Variants in RSPO2 observed in about 807,000 individuals in gnomAD.
RSPO2 encodes R-spondin-2.
A neutral mutation model predicts 30.9 loss-of-function variants in RSPO2; 14 were observed. The observed-to-expected ratio is 0.45, with a 90% CI of 0.30 to 0.71. The LOEUF (loss-of-function observed/expected upper bound fraction) is 0.71, where lower values mean the gene tolerates loss of function less well. Ranked by LOEUF, RSPO2 falls within the 30% of genes least tolerant of loss-of-function variation. The pLI, the probability that RSPO2 is intolerant of heterozygous loss-of-function variation, is 0.08. For synonymous variants in RSPO2, 107 were observed against 96.4 expected, an observed-to-expected ratio of 1.11 and a Z score of -0.64; for missense variants, 264 against 301.9, an observed-to-expected ratio of 0.87 and a Z score of 0.93.
intron 5 of RSPO2, 51 bp from the exon 6 acceptor site, chr8:107,901,241 G>A (rs1811453137): frequency 1.3e-6 from 2 of 1,542,538 alleles, no homozygotes; most frequent in Non-Finnish European, 8.7e-7. Flanking sequence ...TCTTTCTCTA[G>A]GAAAGAAAAC....
intron 2 of RSPO2, among the ~76,000 whole-genome samples, chr8:108,069,561 C>A (rs192792891): frequency 6.6e-6 from 1 of 152,296 alleles, no homozygotes; most frequent in Admixed American, 6.5e-5. Context: ...ATTAAGATTT[C>A]ATTTGTAAAT....
At chr8:108,037,388 G>C (rs1811629484) in intron 2 of RSPO2, among the ~76,000 whole-genome samples, 1 of 152,178 alleles carries the variant, frequency 6.6e-6, no homozygotes, top group Non-Finnish European at 1.5e-5. Flanking sequence ...AAGACTGAGA[G>C]AGATGAGGAA....
At chr8:108,063,875 C>G (rs1260893873) in intron 2 of RSPO2, among the ~76,000 whole-genome samples, 2 of 152,118 alleles carry the variant, frequency 1.3e-5, no homozygotes, top group Non-Finnish European at 2.9e-5. Context: ...AATAATGCCA[C>G]ACATCTGCAA....
At chr8:107,978,701 G>A (rs1814307023) in intron 3 of RSPO2, among the ~76,000 whole-genome samples, 3 of 152,116 alleles carry the variant, frequency 2.0e-5, no homozygotes, top group South Asian at 4.1e-4. Flanking sequence ...AAACTAAAGA[G>A]CTTCTGCACA....
In RSPO2 at chr8:107,899,547, T is replaced by G. The variant is rs1244908369; in HGVS notation, c.*1528A>C. 1 of 152,588 alleles carries G rather than the reference T, an allele frequency of 6.6e-6. No individual in the cohort carries two copies. The highest frequency in any genetic ancestry group is 2.4e-5 in the African/African-American group (1 of 41,436). 9.5% of individuals were successfully genotyped at this position (152,588 alleles called of 1,614,324 possible). A position where few individuals can be genotyped will look rare whatever the true frequency, so the allele number is the denominator to read the frequency against. On this transcript the variant is annotated 3_prime_UTR_variant, in exon 6 of 6. Coordinates refer to ENST00000276659, the MANE Select transcript of RSPO2 (RefSeq NM_178565.5). ...ATAGCAATATTTTCATAACGATGTA[T>G]ATGATATTTATCCTTATTGGTAAGA...
chr8:107,960,700 G>C lies in RSPO2; in HGVS notation c.401C>G (p.Pro134Arg). 1 of 1,612,346 alleles carries C rather than the reference G, an allele frequency of 6.2e-7. No homozygotes were observed. The highest frequency in any genetic ancestry group is 1.3e-5 in the African/African-American group (1 of 74,962). ...CFDECPDGFA[P>R]LEETMECVEG... Reference sequence around the variant, plus strand: ...CACACATTCCATGGTTTCTTCTAATGGTGCAAAACCATCTGGACATTCATC... The same window carrying C: ...CACACATTCCATGGTTTCTTCTAATCGTGCAAAACCATCTGGACATTCATC... The change falls in exon 4 of 6, where the codon CCA (proline) becomes CGA (arginine). Residue 134 changes from proline (P) to arginine (R), a missense_variant. By Grantham distance (103) the Pro-to-Arg change is moderately radical (BLOSUM62 -2). Coordinates refer to ENST00000276659, the MANE Select transcript of RSPO2 (RefSeq NM_178565.5).
At chr8:107,904,748 C>A (rs1411193210) in intron 5 of RSPO2, among the ~76,000 whole-genome samples, 1 of 152,072 alleles carries the variant, frequency 6.6e-6, no homozygotes, top group East Asian at 1.9e-4. Flanking sequence ...CTACAGTCAT[C>A]ATTCACTAGA....
intron 3 of RSPO2, among the ~76,000 whole-genome samples, chr8:107,982,899 T>C (rs1013476380): frequency 4.6e-5 from 7 of 152,188 alleles, no homozygotes; most frequent in Admixed American, 3.9e-4. Flanking sequence ...AATATTAATA[T>C]ACTATATTTT....
At chr8:107,948,866 A>ATAAAT (rs55680371) in intron 5 of RSPO2, among the ~76,000 whole-genome samples, 24,088 of 145,648 alleles carry the variant, frequency 0.17, 2,194 homozygotes, top group South Asian at 0.3. Context: ...TCTCAAAAAA[A>ATAAAT]AAATAAATAA....
At chr8:108,033,676 G>A (rs1295014948) in intron 2 of RSPO2, among the ~76,000 whole-genome samples, 6 of 152,162 alleles carry the variant, frequency 3.9e-5, no homozygotes, top group African/African-American at 1.4e-4. Flanking sequence ...AGAGAACTGA[G>A]AGCTTCTTAT....
At chr8:108,044,172 C>G (rs1253796550) in intron 2 of RSPO2, among the ~76,000 whole-genome samples, 1 of 150,528 alleles carries the variant, frequency 6.6e-6, no homozygotes, top group Non-Finnish European at 1.5e-5. Context: ...AAAAGAAAAG[C>G]TAAGTGCATT....
At chr8:107,990,087 C>G (rs1195293648) in intron 2 of RSPO2, among the ~76,000 whole-genome samples, 6 of 152,020 alleles carry the variant, frequency 3.9e-5, no homozygotes, top group African/African-American at 1.4e-4. Flanking sequence ...AACTAGAAAT[C>G]ACATGGGAAA....
intron 4 of RSPO2, 78 bp downstream of exon 4, chr8:107,960,596 T>C: frequency 4.5e-6 from 6 of 1,322,128 alleles, no homozygotes; most frequent in Middle Eastern, 1.8e-4. Flanking sequence ...AGTTTAAATA[T>C]ATCCAGCATG....
At chr8:107,932,765 G>C (rs1243025659) in intron 5 of RSPO2, among the ~76,000 whole-genome samples, 2 of 152,062 alleles carry the variant, frequency 1.3e-5, no homozygotes, top group Non-Finnish European at 2.9e-5. Context: ...CTACTGAAAA[G>C]AAACAGTCAA....
intron 2 of RSPO2, among the ~76,000 whole-genome samples, chr8:108,065,719 C>A (rs996851275): frequency 6.6e-6 from 1 of 151,478 alleles, no homozygotes; most frequent in Non-Finnish European, 1.5e-5. Flanking sequence ...AATCTCTAGG[C>A]CCCTTCTTTA....
rs1166328805 is a variant in RSPO2, at chr8:107,983,143, C to A, written c.283+5913G>T. 7 of 1,494,800 alleles carry A rather than the reference C, an allele frequency of 4.7e-6. No homozygotes were observed. In the Middle Eastern group the frequency reaches 7.1e-4, roughly 152 times the overall value. The allele number at this position is 1,494,800 out of a possible 1,614,324, so 92.6% of individuals were successfully genotyped here. ...TGGAAGTAATGAAGGACCCCTCAACCTGGCTCATCAACAGAGCAGATGAGC... is the reference window on the plus strand; with the variant it reads ...TGGAAGTAATGAAGGACCCCTCAACATGGCTCATCAACAGAGCAGATGAGC... On this transcript the variant is annotated intron_variant, in intron 3 of 5. Coordinates refer to ENST00000276659, the MANE Select transcript of RSPO2 (RefSeq NM_178565.5).
intron 2 of RSPO2, among the ~76,000 whole-genome samples, chr8:108,027,459 C>A (rs1250672303): frequency 6.6e-6 from 1 of 152,040 alleles, no homozygotes; most frequent in Non-Finnish European, 1.5e-5. Context: ...GAGTAACATA[C>A]AATAATGATA....
chr8:107,967,707 T>C (rs1343830481), intron 3 of RSPO2, among the ~76,000 whole-genome samples: 1 of 152,192 alleles, frequency 6.6e-6, no homozygotes, highest in Admixed American at 6.5e-5. Flanking sequence ...TTAGTTCAGA[T>C]AGTTGGTATA....
intron 2 of RSPO2, among the ~76,000 whole-genome samples, chr8:108,014,836 A>T (rs916812262): frequency 1.4e-5 from 2 of 146,432 alleles, no homozygotes; most frequent in African/African-American, 5.1e-5. Context: ...CCAGAACTTA[A>T]AGTATAATAA....
Sources: gnomAD v4.1 joint callset for allele counts (sites outside exome capture counted in the v4.1 genomes callset) on GRCh38, gnomAD v4.1.1 for gene constraint, MANE v1.5 for transcripts, NCBI Gene and HGNC (gene_info 2026-07-23, HGNC 2026-07-21) for gene names.